DAB1: variants seen among roughly 807,000 people sequenced by gnomAD.
DAB1 encodes the protein disabled homolog 1.
A neutral mutation model predicts 64.6 loss-of-function variants in DAB1; 15 were observed. The ratio of observed to expected loss-of-function variants is 0.23; its 90% confidence interval spans 0.16 to 0.36. DAB1 has a LOEUF of 0.36. DAB1 is among the 10% of genes least tolerant of loss of function. The pLI is 1.00. For missense variants in DAB1, 596 were observed against 706.7 expected, an observed-to-expected ratio of 0.84 and a Z score of 1.78; for synonymous variants, 235 against 251.9, an observed-to-expected ratio of 0.93 and a Z score of 0.64.
intron 1 of DAB1, among the ~76,000 whole-genome samples, chr1:57,336,852 A>G (rs895215870): frequency 5.9e-5 from 9 of 152,188 alleles, no homozygotes; most frequent in African/African-American, 2.2e-4. Context: ...AGATAAGGAA[A>G]TAGACTCAAG....
intron 3 of DAB1, among the ~76,000 whole-genome samples, chr1:58,501,894 G>C (rs1184021819): frequency 6.6e-6 from 1 of 152,062 alleles, no homozygotes; most frequent in African/African-American, 2.4e-5. Context: ...TTTATAAAAA[G>C]AGACATAAGA....
chr1:58,212,811 C>T lies in DAB1; in HGVS notation n.310-62223G>A, dbSNP rs544167709. ...TTTTATTGGAATGATTTCTAATTTC[C>T]TCTGATTCAAGTTCCATTTGGGAAC... On this transcript the variant is annotated intron_variant and non_coding_transcript_variant, in intron 4 of 20. Transcript: ENST00000485760. Among the ~76,000 whole-genome samples the T allele has an allele frequency of 2.6e-5, 4 of 152,238 alleles. No individual in the cohort carries two copies. In the East Asian group the frequency reaches 7.7e-4, roughly 29 times the overall value.
At chr1:57,525,033 G>A (rs937676671) in intron 7 of DAB1, among the ~76,000 whole-genome samples, 5 of 152,176 alleles carry the variant, frequency 3.3e-5, no homozygotes, top group Admixed American at 6.5e-5. Flanking sequence ...TCTGCATTCA[G>A]CCAAATGATT....
chr1:57,606,799 G>T (rs1248574462), intron 7 of DAB1, among the ~76,000 whole-genome samples: 4 of 140,004 alleles, frequency 2.9e-5, no homozygotes, highest in African/African-American at 5.5e-5. Context: ...TATATATAGA[G>T]AGAGAGAGAG....
At chr1:57,607,764 G>C (rs1013581968) in intron 7 of DAB1, among the ~76,000 whole-genome samples, 14 of 152,176 alleles carry the variant, frequency 9.2e-5, no homozygotes, top group African/African-American at 3.1e-4. Flanking sequence ...CAAAAAGACA[G>C]AGGGGATAAT....
intron 7 of DAB1, among the ~76,000 whole-genome samples, chr1:57,431,011 C>G (rs1292930914): frequency 2.6e-5 from 4 of 151,462 alleles, no homozygotes; most frequent in Non-Finnish European, 4.4e-5. Context: ...AAGTACAGGA[C>G]GCTAAGGGAG....
chr1:57,452,647 G>C (rs1171734713), intron 7 of DAB1, among the ~76,000 whole-genome samples: 1 of 152,052 alleles, frequency 6.6e-6, no homozygotes, highest in East Asian at 1.9e-4. Context: ...TCCTCTCCTG[G>C]TCCTGTTCTT....
intron 2 of DAB1, among the ~76,000 whole-genome samples, chr1:57,253,773 T>C (rs1308274180): frequency 6.6e-6 from 1 of 152,206 alleles, no homozygotes; most frequent in Non-Finnish European, 1.5e-5. Context: ...TGATATATTT[T>C]AGTCTCTGTG....
rs149398650 is a variant in DAB1, at chr1:57,303,672, C to CAAA, written c.-136-12509_-136-12507dup. Among the ~76,000 whole-genome samples the CAAA allele has an allele frequency of 2.5e-3, 370 of 148,788 alleles. 3 individuals are homozygous for CAAA. The highest frequency in any genetic ancestry group is 8.8e-3 in the African/African-American group (356 of 40,650). ...GCCACTAGGTAGAAAAACAAACAAA[C>CAAA]AAAAAAAAACAGATAATTAGGAAGG... On this transcript the variant is annotated intron_variant, in intron 1 of 14. Transcript: ENST00000371236.
chr1:58,113,020 T>C lies in DAB1; in HGVS notation n.387+37491A>G, dbSNP rs540830184. ...CACTCACCATGTTGGGCATAGAAGA[T>C]GAGTAAGACACATATGTTTTCTGTC... is the stretch of plus-strand genomic sequence containing the variant. On this transcript the variant is annotated intron_variant and non_coding_transcript_variant, in intron 5 of 20. Coordinates refer to the DAB1 transcript ENST00000485760. Among the ~76,000 whole-genome samples the C allele has an allele frequency of 2.6e-5, 4 of 152,266 alleles. No homozygotes were observed. The South Asian group carries it at 8.3e-4, about 32-fold the overall frequency.
At position 57,475,344 on chromosome 1, in the gene DAB1, A is replaced by C. The variant is rs1344019929; in HGVS notation, n.625+174248T>G. Among the ~76,000 whole-genome samples the C allele has an allele frequency of 3.3e-5, 5 of 152,308 alleles. No individual in the cohort carries two copies. The South Asian group carries it at 6.2e-4, about 19-fold the overall frequency. On this transcript the variant is annotated intron_variant and non_coding_transcript_variant, in intron 7 of 20. Coordinates refer to the DAB1 transcript ENST00000485760. ...GTCCGGATGTTGCACCCAGGAAGCCAGGTATGGCAAAGTGGAAGAGCCTAC... is the reference window on the plus strand; with the variant it reads ...GTCCGGATGTTGCACCCAGGAAGCCCGGTATGGCAAAGTGGAAGAGCCTAC...
chr1:57,734,641 C>G (rs1251060748), intron 6 of DAB1, among the ~76,000 whole-genome samples: 1 of 152,176 alleles, frequency 6.6e-6, no homozygotes, highest in African/African-American at 2.4e-5. Context: ...TCGCTTAACC[C>G]TTGCTGATTC....
At chr1:57,464,008 A>G (rs1166527192) in intron 7 of DAB1, among the ~76,000 whole-genome samples, 1 of 152,184 alleles carries the variant, frequency 6.6e-6, no homozygotes, top group Non-Finnish European at 1.5e-5. Flanking sequence ...AAATTGGGAG[A>G]AAACATCAGG....
chr1:57,930,348 T>C (rs1241986520), intron 5 of DAB1, among the ~76,000 whole-genome samples: 5 of 152,232 alleles, frequency 3.3e-5, no homozygotes, highest in Non-Finnish European at 7.3e-5. Flanking sequence ...ACCAATATTG[T>C]GTTGGCTATT....
At chr1:57,892,174 T>C (rs1644325315) in intron 5 of DAB1, among the ~76,000 whole-genome samples, 1 of 152,128 alleles carries the variant, frequency 6.6e-6, no homozygotes, top group Non-Finnish European at 1.5e-5. Context: ...CTGAATAGCA[T>C]CCTTTTCGTA....
At chr1:57,351,963 G>A (rs1468057150) in intron 1 of DAB1, among the ~76,000 whole-genome samples, 2 of 152,156 alleles carry the variant, frequency 1.3e-5, no homozygotes, top group Non-Finnish European at 2.9e-5. Context: ...AGAAAATGAA[G>A]CAAAGTAGAG....
At chr1:58,235,269 T>C (rs1297114401) in intron 4 of DAB1, among the ~76,000 whole-genome samples, 2 of 152,256 alleles carry the variant, frequency 1.3e-5, no homozygotes, top group African/African-American at 2.4e-5. Context: ...CAATGGAAAC[T>C]GGAATTTGAA....
At chr1:57,560,681 C>T (rs1397239490) in intron 7 of DAB1, among the ~76,000 whole-genome samples, 1 of 97,684 alleles carries the variant, frequency 1.0e-5, no homozygotes, top group Non-Finnish European at 2.6e-5. Flanking sequence ...GTCCAGGCTG[C>T]TGTGCAAGCT....
intron 3 of DAB1, among the ~76,000 whole-genome samples, chr1:58,489,994 A>T (rs1195946803): frequency 3.3e-5 from 5 of 152,208 alleles, no homozygotes; most frequent in African/African-American, 4.8e-5. Flanking sequence ...GATGGGGAAA[A>T]AACAGAGCAG....
Sources: allele counts gnomAD v4.1 joint callset (sites outside exome capture counted in the v4.1 genomes callset), GRCh38; gene constraint gnomAD v4.1.1; transcripts MANE v1.5; gene names NCBI Gene and HGNC (gene_info 2026-07-23, HGNC 2026-07-21).